The following RAMP2 variants were observed in gnomAD, a reference collection of about 807,000 sequenced individuals.
RAMP2 encodes receptor activity modifying protein 2.
Under a neutral mutation model 18.2 loss-of-function variants are expected in RAMP2, and 11 were observed. That is an observed-to-expected ratio of 0.60 (90% CI 0.38 to 1.00). The LOEUF (loss-of-function observed/expected upper bound fraction) is 1.00, where lower values mean the gene tolerates loss of function less well. Ranked by LOEUF, RAMP2 falls within the 50% of genes least tolerant of loss-of-function variation. The pLI is 0.01. For missense variants in RAMP2, 191 were observed against 226.5 expected (o/e 0.84, Z 1.01); for synonymous variants, 86 against 90.8 (o/e 0.95, Z 0.30).
chr17:42,761,986 C>A lies in RAMP2; in HGVS notation c.163+87C>A. On this transcript the variant is annotated intron_variant, in intron 2 of 3. Coordinates refer to ENST00000253796, the MANE Select transcript of RAMP2 (RefSeq NM_005854.3). This position sits in a 1 kb window ranked among gnomAD's most constrained non-coding sequence, Gnocchi z 4.2. Reference sequence around the variant, plus strand: ...GGGTTCCTTTCCCACGAGGCCTGCCCAACCCCAGCTGATGCCCCACTACAC... The same window carrying A: ...GGGTTCCTTTCCCACGAGGCCTGCCAAACCCCAGCTGATGCCCCACTACAC... The A allele has an allele frequency of 1.6e-6, 2 of 1,283,058 alleles. No homozygotes were observed. Among genetic ancestry groups the A allele is most frequent in the Non-Finnish European group, 2.2e-6 (2 of 905,642 alleles). The allele number at this position is 1,283,058 out of a possible 1,614,324, so 79.5% of individuals were successfully genotyped here. A position where few individuals can be genotyped will look rare whatever the true frequency, so the allele number is the denominator to read the frequency against.
chr17:42,761,614 C>G lies in RAMP2; in HGVS notation c.98-220C>G, dbSNP rs1028084931. Among the ~76,000 whole-genome samples the G allele has an allele frequency of 4.6e-5, 7 of 152,178 alleles. No homozygotes were observed. The highest frequency in any genetic ancestry group is 3.9e-4 in the Admixed American group (6 of 15,282). ...CGAAGAGGGCTTAGGAGGACGGAAG[C>G]TGGCCAGAGATGAGGGGGCTTTGGG... On this transcript the variant is annotated intron_variant, in intron 1 of 3. Coordinates refer to ENST00000253796, the MANE Select transcript of RAMP2 (RefSeq NM_005854.3). This position sits in a 1 kb window ranked among gnomAD's most constrained non-coding sequence, Gnocchi z 4.2.
Position 42,761,766 on chromosome 17 carries a change from AC to A in RAMP2, c.98-62del. The A allele has an allele frequency of 7.3e-7, 1 of 1,370,190 alleles. No homozygotes were observed. Among genetic ancestry groups the A allele is most frequent in the Non-Finnish European group, 1.0e-6 (1 of 963,574 alleles). 84.9% of individuals were successfully genotyped at this position (1,370,190 alleles called of 1,614,324 possible). A position where few individuals can be genotyped will look rare whatever the true frequency, so the allele number is the denominator to read the frequency against. On this transcript the variant is annotated intron_variant, in intron 1 of 3. Coordinates refer to ENST00000253796, the MANE Select transcript of RAMP2 (RefSeq NM_005854.3). The surrounding 1 kb of genome is among the most constrained non-coding windows in gnomAD (Gnocchi z 4.2). ...ATTTTCGGAGGGTCTCAGTCCCCCA[AC>A]CCCCCTCGCAGGCTCCACTGCCGGG... is the stretch of plus-strand genomic sequence containing the variant.
chr17:42,761,703 G>A lies in RAMP2; in HGVS notation c.98-131G>A, dbSNP rs2054365820. ...CCTCCCCGGCACTGAGGCGTCCGTG[G>A]GGGCTAGATTATTCCTCCTTTTCTT... is the stretch of plus-strand genomic sequence containing the variant. On this transcript the variant is annotated intron_variant, in intron 1 of 3. Transcript: ENST00000253796. The surrounding 1 kb of genome is among the most constrained non-coding windows in gnomAD (Gnocchi z 4.2). 7 of 787,006 alleles carry A rather than the reference G, an allele frequency of 8.9e-6. No individual in the cohort carries two copies. The South Asian group carries it at 9.9e-5, about 11-fold the overall frequency. 48.8% of individuals were successfully genotyped at this position (787,006 alleles called of 1,614,324 possible). A position where few individuals can be genotyped will look rare whatever the true frequency, so the allele number is the denominator to read the frequency against.
At position 42,763,023 on chromosome 17, in the gene RAMP2, A is replaced by G. The variant is rs539475198; in HGVS notation, c.*171A>G. On this transcript the variant is annotated 3_prime_UTR_variant, in exon 4 of 4. Transcript: ENST00000253796. Reference sequence around the variant, plus strand: ...CACAAGTTCTGTAATCTTCAAAATAAAACTTTTTTTTTGTACAATGTCCTT... The same window carrying G: ...CACAAGTTCTGTAATCTTCAAAATAGAACTTTTTTTTTGTACAATGTCCTT... The G allele has an allele frequency of 1.0e-5, 8 of 783,660 alleles. No homozygotes were observed. In the East Asian group the frequency reaches 2.0e-4, roughly 20 times the overall value. 48.5% of individuals were successfully genotyped at this position (783,660 alleles called of 1,614,324 possible).
rs1157344162 is a variant in RAMP2, at chr17:42,762,756, T to C, written c.432T>C (p.Asp144=). 1.9e-6 allele frequency: 3 copies of C among 1,613,982 alleles called. No individual in the cohort carries two copies. Among genetic ancestry groups the C allele is most frequent in the Non-Finnish European group, 2.5e-6 (3 of 1,179,976 alleles). ...VQPTFSDPPE[D]VLLAMIIAPI... ...CCACCTTCTCTGACCCCCCAGAGGA[T>C]GTACTCCTGGCCATGATCATAGCCC... Residue 144 remains aspartate (D), a synonymous_variant, in exon 4 of 4, where the codon GAT becomes GAC. Coordinates refer to ENST00000253796, the MANE Select transcript of RAMP2 (RefSeq NM_005854.3).
rs2054364807 is a variant in RAMP2 at position 42,761,562 on chromosome 17, A to G, written c.97+204A>G. Among the ~76,000 whole-genome samples the G allele has an allele frequency of 6.6e-6, 1 of 152,110 alleles. No individual in the cohort carries two copies. The highest frequency in any genetic ancestry group is 1.5e-5 in the Non-Finnish European group (1 of 68,004). On this transcript the variant is annotated intron_variant, in intron 1 of 3. Coordinates refer to ENST00000253796, the MANE Select transcript of RAMP2 (RefSeq NM_005854.3). The surrounding 1 kb of genome is among the most constrained non-coding windows in gnomAD (Gnocchi z 4.2). The stretch of plus-strand genomic sequence containing the variant: ...AGCATGAGCTGCTTCCCACCCAGGG[A>G]AAGCTGGGGTGCTGGCCCCGGCCCC...
rs896443942 is a variant in RAMP2 at position 42,761,288 on chromosome 17, C to G, written c.27C>G (p.Ala9=). 60 of 1,361,816 alleles carry G rather than the reference C, an allele frequency of 4.4e-5. No individual in the cohort carries two copies. Among genetic ancestry groups the G allele is most frequent in the Non-Finnish European group, 5.5e-5 (58 of 1,057,930 alleles). The allele number at this position is 1,361,816 out of a possible 1,614,324, so 84.4% of individuals were successfully genotyped here. A position where few individuals can be genotyped will look rare whatever the true frequency, so the allele number is the denominator to read the frequency against. MASLRVER[A]GGPRLPRTRV... ...TGGCCTCGCTCCGGGTGGAGCGCGC[C>G]GGCGGCCCGCGTCTCCCTAGGACCC... is the stretch of plus-strand genomic sequence containing the variant. Residue 9 remains alanine (A), a synonymous_variant, in exon 1 of 4, where the codon GCC becomes GCG. Transcript: ENST00000253796. This position sits in a 1 kb window ranked among gnomAD's most constrained non-coding sequence, Gnocchi z 4.2.
In RAMP2 at chr17:42,762,749, C is replaced by A; in HGVS notation, c.425C>A (p.Pro142Gln). ...GTGCAGCCCACCTTCTCTGACCCCC[C>A]AGAGGATGTACTCCTGGCCATGATC... is the stretch of plus-strand genomic sequence containing the variant. ...SLVQPTFSDPPEDVLLAMIIA... is the reference protein window; with the variant it reads ...SLVQPTFSDPQEDVLLAMIIA... The change falls in exon 4 of 4, where the codon CCA becomes CAA. Residue 142 changes from proline (P) to glutamine (Q), a missense_variant. Transcript: ENST00000253796. The A allele has an allele frequency of 1.2e-6, 2 of 1,614,146 alleles. No individual in the cohort carries two copies. Among genetic ancestry groups the A allele is most frequent in the Non-Finnish European group, 1.7e-6 (2 of 1,179,988 alleles).
At chr17:42,762,559 C>G in intron 3 of RAMP2, 38 bp from the exon 4 acceptor site, 1 of 1,603,050 alleles carries the variant, frequency 6.2e-7, no homozygotes, top group African/African-American at 1.3e-5. Context: ...CTCCCTGGGT[C>G]CACCCCCTCT....
Position 42,761,712 on chromosome 17 carries a change from T to TTA in RAMP2, c.98-120_98-119dup. 2 of 847,582 alleles carry TTA rather than the reference T, an allele frequency of 2.4e-6. No individual in the cohort carries two copies. The highest frequency in any genetic ancestry group is 3.8e-6 in the Non-Finnish European group (2 of 523,074). The allele number at this position is 847,582 out of a possible 1,614,324, so 52.5% of individuals were successfully genotyped here. On this transcript the variant is annotated intron_variant, in intron 1 of 3. Coordinates refer to ENST00000253796, the MANE Select transcript of RAMP2 (RefSeq NM_005854.3). This position sits in a 1 kb window ranked among gnomAD's most constrained non-coding sequence, Gnocchi z 4.2. ...CACTGAGGCGTCCGTGGGGGCTAGA[T>TTA]TATTCCTCCTTTTCTTCCAAGGTAG... is the stretch of plus-strand genomic sequence containing the variant.
Position 42,761,975 on chromosome 17 carries a change from C to A in RAMP2, c.163+76C>A. ...TTCAGTGGGGAGGGTTCCTTTCCCA[C>A]GAGGCCTGCCCAACCCCAGCTGATG... On this transcript the variant is annotated intron_variant, in intron 2 of 3. Coordinates refer to ENST00000253796, the MANE Select transcript of RAMP2 (RefSeq NM_005854.3). The surrounding 1 kb of genome is among the most constrained non-coding windows in gnomAD (Gnocchi z 4.2). 1 of 1,363,324 alleles carries A rather than the reference C, an allele frequency of 7.3e-7. No homozygotes were observed. The allele number at this position is 1,363,324 out of a possible 1,614,324, so 84.5% of individuals were successfully genotyped here.
In RAMP2 at chr17:42,761,240, C is replaced by T. The variant is rs1480060139; in HGVS notation, c.-22C>T. On this transcript the variant is annotated 5_prime_UTR_variant, in exon 1 of 4. Coordinates refer to ENST00000253796, the MANE Select transcript of RAMP2 (RefSeq NM_005854.3). The surrounding 1 kb of genome is among the most constrained non-coding windows in gnomAD (Gnocchi z 4.2). ...CGGGCCCGGCTCAGCGCCGCCGCCG[C>T]TCCTCGCCTCCTTGCTGCACGATGG... 1.4e-6 allele frequency: 2 copies of T among 1,448,546 alleles called. No individual in the cohort carries two copies. Among genetic ancestry groups the T allele is most frequent in the East Asian group, 3.1e-5 (1 of 32,464 alleles). The allele number at this position is 1,448,546 out of a possible 1,614,324, so 89.7% of individuals were successfully genotyped here. A position where few individuals can be genotyped will look rare whatever the true frequency, so the allele number is the denominator to read the frequency against.
Position 42,761,317 on chromosome 17 carries a change from T to G in RAMP2, c.56T>G (p.Val19Gly). Residue 19 changes from valine (V) to glycine (G), a missense_variant, in exon 1 of 4, where the codon GTC (valine) becomes GGC (glycine). Val to Gly is a moderately radical substitution (Grantham distance 109). Transcript: ENST00000253796. The surrounding 1 kb of genome is among the most constrained non-coding windows in gnomAD (Gnocchi z 4.2). ...GGCCCGCGTCTCCCTAGGACCCGAG[T>G]CGGGCGGCCGGCAGCGCTCCGCCTC... Reference protein sequence around the residue: ...AGGPRLPRTRVGRPAALRLLL... With the variant: ...AGGPRLPRTRGGRPAALRLLL... The G allele has an allele frequency of 2.3e-6, 3 of 1,283,280 alleles. No homozygotes were observed. The highest frequency in any genetic ancestry group is 2.0e-6 in the Non-Finnish European group (2 of 1,012,220). The allele number at this position is 1,283,280 out of a possible 1,614,324, so 79.5% of individuals were successfully genotyped here.
chr17:42,762,877 A>G lies in RAMP2; in HGVS notation c.*25A>G, dbSNP rs2143950057. 1.3e-6 allele frequency: 2 copies of G among 1,555,858 alleles called. No individual in the cohort carries two copies. The highest frequency in any genetic ancestry group is 1.8e-4 in the Middle Eastern group (1 of 5,560). On this transcript the variant is annotated 3_prime_UTR_variant, in exon 4 of 4. Coordinates refer to ENST00000253796, the MANE Select transcript of RAMP2 (RefSeq NM_005854.3). ...GGGGGCCACGAGCTTCTCAACAACC[A>G]TGTTACTCCACTTCCCCACCCCCAC...
rs772460185 is a variant in RAMP2, at chr17:42,762,661, A to C, written c.337A>C (p.Asn113His). The C allele has an allele frequency of 3.1e-6, 5 of 1,614,068 alleles. No individual in the cohort carries two copies. In the South Asian group the frequency reaches 5.5e-5, roughly 18 times the overall value. ...AGAGTTGTTTGACCTGGGCTTCCCCAATCCCTTGGCAGAGAGGATCATCTT... is the reference window on the plus strand; with the variant it reads ...AGAGTTGTTTGACCTGGGCTTCCCCCATCCCTTGGCAGAGAGGATCATCTT... Reference protein sequence around the residue: ...FAELFDLGFPNPLAERIIFET... With the variant: ...FAELFDLGFPHPLAERIIFET... The change falls in exon 4 of 4, where the codon AAT becomes CAT. Residue 113 changes from asparagine to histidine, a missense_variant. Transcript: ENST00000253796.
intron 2 of RAMP2, 50 bp from the exon 3 acceptor site, chr17:42,762,305 T>G: frequency 1.2e-6 from 2 of 1,612,344 alleles, no homozygotes; most frequent in African/African-American, 2.7e-5. Context: ...GCAGGAGGGT[T>G]TGTAGGGAGG....
At position 42,761,909 on chromosome 17, in the gene RAMP2, C is replaced by T. The variant is rs1275797354; in HGVS notation, c.163+10C>T. The T allele has an allele frequency of 6.4e-7, 1 of 1,560,698 alleles. No homozygotes were observed. Among genetic ancestry groups the T allele is most frequent in the Admixed American group, 1.7e-5 (1 of 59,720 alleles). ...ACACCAGGGTCAGAAGGTGGGTACC[C>T]AGGGTGTGGAAGGGTGGCCGAGGGT... On this transcript the variant is annotated intron_variant, in intron 2 of 3. Coordinates refer to ENST00000253796, the MANE Select transcript of RAMP2 (RefSeq NM_005854.3). This position sits in a 1 kb window ranked among gnomAD's most constrained non-coding sequence, Gnocchi z 4.2.
rs545776585 is a variant in RAMP2, at chr17:42,762,700, A to G, written c.376A>G (p.Ile126Val). ...AERIIFETHQ[I>V]HFANCSLVQP... ...GAGGATCATCTTTGAGACTCACCAG[A>G]TCCACTTTGCCAACTGCTCCCTGGT... The change falls in exon 4 of 4, where the codon ATC becomes GTC. Residue 126 changes from isoleucine to valine, a missense_variant. Coordinates refer to ENST00000253796, the MANE Select transcript of RAMP2 (RefSeq NM_005854.3). 6.2e-7 allele frequency: 1 copy of G among 1,614,004 alleles called. No individual in the cohort carries two copies. The highest frequency in any genetic ancestry group is 1.3e-5 in the African/African-American group (1 of 74,978).
chr17:42,761,708 T>C lies in RAMP2; in HGVS notation c.98-126T>C. 1.2e-6 allele frequency: 1 copy of C among 818,194 alleles called. No homozygotes were observed. Among genetic ancestry groups the C allele is most frequent in the Non-Finnish European group, 2.0e-6 (1 of 498,870 alleles). 50.7% of individuals were successfully genotyped at this position (818,194 alleles called of 1,614,324 possible). On this transcript the variant is annotated intron_variant, in intron 1 of 3. Transcript: ENST00000253796. The surrounding 1 kb of genome is among the most constrained non-coding windows in gnomAD (Gnocchi z 4.2). Reference sequence around the variant, plus strand: ...CCGGCACTGAGGCGTCCGTGGGGGCTAGATTATTCCTCCTTTTCTTCCAAG... The same window carrying C: ...CCGGCACTGAGGCGTCCGTGGGGGCCAGATTATTCCTCCTTTTCTTCCAAG...
Sources: gnomAD v4.1 joint callset for allele counts (sites outside exome capture counted in the v4.1 genomes callset) on GRCh38, gnomAD v4.1.1 for gene constraint, Gnocchi (gnomAD v3.1) non-coding constraint, MANE v1.5 for transcripts, NCBI Gene and HGNC (gene_info 2026-07-23, HGNC 2026-07-21) for gene names.